KCNU1: variants seen among roughly 807,000 people sequenced by gnomAD.
KCNU1 encodes the protein potassium calcium-activated channel subfamily U member 1, also known as potassium channel subfamily U member 1.
KCNU1 carries 93 observed loss-of-function variants against 126.8 expected under a neutral mutation model. That is an observed-to-expected ratio of 0.73 (90% CI 0.62 to 0.87). KCNU1 has a LOEUF of 0.87. Among genes scored for constraint, KCNU1 ranks in the 40% least tolerant of loss-of-function variants. The pLI, the probability that KCNU1 is intolerant of heterozygous loss-of-function variation, is 0.00. For missense variants in KCNU1, 1,330 were observed against 1,367.1 expected (o/e 0.97, Z 0.43); for synonymous variants, 523 against 494.2 (o/e 1.06, Z -0.77).
At chr8:36,816,063 C>T (rs564439399) in intron 9 of KCNU1, among the ~76,000 whole-genome samples, 5 of 151,986 alleles carry the variant, frequency 3.3e-5, no homozygotes, top group Non-Finnish European at 7.4e-5. Context: ...GCTAACTTTA[C>T]ATAATGGATC....
At chr8:36,834,895 A>G in intron 12 of KCNU1, 27 bp downstream of exon 12, 2 of 1,459,660 alleles carry the variant, frequency 1.4e-6, no homozygotes, top group Non-Finnish European at 1.9e-6. Flanking sequence ...TGTATGCTAT[A>G]ACGATTATTT....
At chr8:36,832,539 T>G (rs1804591769) in intron 10 of KCNU1, among the ~76,000 whole-genome samples, 1 of 152,156 alleles carries the variant, frequency 6.6e-6, no homozygotes, top group African/African-American at 2.4e-5. Context: ...TGTCTACTTT[T>G]GTTATTTTTT....
In KCNU1 at chr8:36,833,513, A is replaced by G. The variant is rs765407847; in HGVS notation, c.1107-41A>G. The G allele has an allele frequency of 1.5e-4, 177 of 1,190,022 alleles. 1 individual carries two copies. The highest frequency in any genetic ancestry group is 1.5e-5 in the African/African-American group (1 of 66,532). The allele number at this position is 1,190,022 out of a possible 1,614,324, so 73.7% of individuals were successfully genotyped here. On this transcript the variant is annotated intron_variant, in intron 10 of 26. Transcript: ENST00000399881. ...AAAACCTCTAAACCCAGAGTCAATCATCTTTTTTCCCTCATTGCTGCCACG... is the reference window on the plus strand; with the variant it reads ...AAAACCTCTAAACCCAGAGTCAATCGTCTTTTTTCCCTCATTGCTGCCACG...
chr8:36,849,443 G>T (rs898966062), intron 18 of KCNU1, among the ~76,000 whole-genome samples: 4 of 152,102 alleles, frequency 2.6e-5, no homozygotes, highest in African/African-American at 9.7e-5. Context: ...ACAAAAATTA[G>T]CTGGGTGTGG....
intron 10 of KCNU1, among the ~76,000 whole-genome samples, chr8:36,818,135 T>G (rs1803988954): frequency 6.6e-6 from 1 of 152,224 alleles, no homozygotes; most frequent in Non-Finnish European, 1.5e-5. Flanking sequence ...ATGATTGTTC[T>G]TGATGCTGTT....
intron 1 of KCNU1, among the ~76,000 whole-genome samples, chr8:36,786,891 G>A (rs563510008): frequency 1.3e-5 from 2 of 152,122 alleles, no homozygotes; most frequent in East Asian, 1.9e-4. Flanking sequence ...CACAAAATGC[G>A]GACACTTAAG....
At chr8:36,905,666 C>T in intron 19 of KCNU1, 42 bp from the exon 20 acceptor site, 1 of 1,053,554 alleles carries the variant, frequency 9.5e-7, no homozygotes, top group East Asian at 2.4e-5. Flanking sequence ...TACAGAGGAG[C>T]TCCAAATAGT....
At chr8:36,840,216 C>T (rs368554812) in intron 14 of KCNU1, among the ~76,000 whole-genome samples, 4 of 152,308 alleles carry the variant, frequency 2.6e-5, no homozygotes, top group Admixed American at 6.5e-5. Flanking sequence ...GAAACTTGAA[C>T]GCCATCTGCA....
chr8:36,822,175 G>T (rs991469672), intron 10 of KCNU1, among the ~76,000 whole-genome samples: 18 of 151,986 alleles, frequency 1.2e-4, no homozygotes, highest in Non-Finnish European at 2.6e-4. Context: ...GACAGCATCT[G>T]CTTTAGTATC....
At chr8:36,841,085 T>G in intron 16 of KCNU1, 82 bp downstream of exon 16, 1 of 974,684 alleles carries the variant, frequency 1.0e-6, no homozygotes, top group South Asian at 1.5e-5. Context: ...TTAAGAATTT[T>G]TCCAAAGATG....
chr8:36,885,019 C>T (rs981917779), intron 19 of KCNU1, among the ~76,000 whole-genome samples: 2 of 152,202 alleles, frequency 1.3e-5, no homozygotes, highest in African/African-American at 4.8e-5. Flanking sequence ...AGAATCGCAG[C>T]TGAGATCTGC....
Position 36,830,891 on chromosome 8 carries a change from G to A in KCNU1, c.1107-2663G>A, listed in dbSNP as rs376856671. 8.1e-3 allele frequency among the ~76,000 whole-genome samples: 1,191 copies of A among 146,212 alleles called. 14 individuals are homozygous for A. The highest frequency in any genetic ancestry group is 0.027 in the African/African-American group (1,070 of 39,434). On this transcript the variant is annotated intron_variant, in intron 10 of 26. Coordinates refer to ENST00000399881, the MANE Select transcript of KCNU1 (RefSeq NM_001031836.3). ...TCATCTAGCATTAGGTATATCTCCC[G>A]ATGCTATCCCTCCCCCCTCCCCCCA... is the stretch of plus-strand genomic sequence containing the variant.
chr8:36,896,789 AAAAG>A (rs1194247324), intron 19 of KCNU1, among the ~76,000 whole-genome samples: 1 of 152,072 alleles, frequency 6.6e-6, no homozygotes, highest in African/African-American at 2.4e-5. Context: ...TTTGATATGA[AAAAG>A]AAAGAGATTA....
chr8:36,871,161 T>C (rs1806089010), intron 19 of KCNU1, among the ~76,000 whole-genome samples: 1 of 152,188 alleles, frequency 6.6e-6, no homozygotes. Flanking sequence ...ATTGAAAATA[T>C]ACATACACAT....
intron 8 of KCNU1, among the ~76,000 whole-genome samples, 192 bp from the exon 9 acceptor site, chr8:36,815,404 C>G (rs1432998091): frequency 6.6e-6 from 1 of 152,038 alleles, no homozygotes; most frequent in East Asian, 1.9e-4. Context: ...TACAGAAAAG[C>G]CTTATATTAA....
At chr8:36,917,072 G>A (rs957030022) in intron 22 of KCNU1, among the ~76,000 whole-genome samples, 4 of 152,030 alleles carry the variant, frequency 2.6e-5, no homozygotes, top group Admixed American at 2.0e-4. Context: ...TTTTCAGGGG[G>A]CCTTAGCACA....
chr8:36,872,122 C>T (rs1360458498), intron 19 of KCNU1, among the ~76,000 whole-genome samples: 2 of 152,128 alleles, frequency 1.3e-5, no homozygotes, highest in African/African-American at 2.4e-5. Context: ...CTCAGGGGCT[C>T]ACAGTCCCCA....
rs1181626185 is a variant in KCNU1 at position 36,922,570 on chromosome 8, A to G, written c.2677A>G (p.Thr893Ala). 6.2e-7 allele frequency: 1 copy of G among 1,613,602 alleles called. No individual in the cohort carries two copies. The highest frequency in any genetic ancestry group is 1.3e-5 in the African/African-American group (1 of 74,874). Reference protein sequence around the residue: ...SLQETNLHLSTAFSTGTVFSG... With the variant: ...SLQETNLHLSAAFSTGTVFSG... Reference sequence around the variant, plus strand: ...CCAAGAAACAAATCTGCATCTCAGCACTGCCTTTTCTACGGGCACTGTTTT... The same window carrying G: ...CCAAGAAACAAATCTGCATCTCAGCGCTGCCTTTTCTACGGGCACTGTTTT... The change falls in exon 24 of 27, where the codon ACT becomes GCT. Residue 893 changes from threonine to alanine, a missense_variant. By Grantham distance (58) the Thr-to-Ala change is moderately conservative (BLOSUM62 0). Coordinates refer to ENST00000399881, the MANE Select transcript of KCNU1 (RefSeq NM_001031836.3).
chr8:36,886,410 A>C (rs1489099304), intron 19 of KCNU1, among the ~76,000 whole-genome samples: 1 of 152,204 alleles, frequency 6.6e-6, no homozygotes, highest in Non-Finnish European at 1.5e-5. Flanking sequence ...ACCATTTATA[A>C]ATTCGGAAAG....
Sources: allele counts gnomAD v4.1 joint callset (sites outside exome capture counted in the v4.1 genomes callset), GRCh38; gene constraint gnomAD v4.1.1; transcripts MANE v1.5; gene names NCBI Gene and HGNC (gene_info 2026-07-23, HGNC 2026-07-21).